ATRN: variants seen among roughly 807,000 people sequenced by gnomAD.
The protein encoded by ATRN is attractin-2.
ATRN carries 54 observed loss-of-function variants against 178.7 expected under a neutral mutation model. The observed-to-expected ratio is 0.30, with a 90% CI of 0.24 to 0.38. ATRN has a LOEUF of 0.38. Ranked by LOEUF, ATRN falls within the 10% of genes least tolerant of loss-of-function variation. The pLI is 1.00. For missense variants in ATRN, 1,443 were observed against 1,815.1 expected (o/e 0.79, Z 3.73); for synonymous variants, 636 against 663.0 (o/e 0.96, Z 0.63).
At chr20:3,575,989 T>A in intron 13 of ATRN, 41 bp downstream of exon 13, 1 of 1,604,200 alleles carries the variant, frequency 6.2e-7, no homozygotes, top group Non-Finnish European at 8.5e-7. Context: ...AAATCCCAAT[T>A]TGTCATAGGT....
At chr20:3,472,438 G>T (rs1199863222) in intron 1 of ATRN, among the ~76,000 whole-genome samples, 2 of 152,162 alleles carry the variant, frequency 1.3e-5, no homozygotes, top group Non-Finnish European at 2.9e-5. Context: ...TGTCTGATGT[G>T]GGGGAGTGGG....
rs201351211 is a variant in ATRN at position 3,589,364 on chromosome 20, A to AT, written c.3185-1796dup. Among the ~76,000 whole-genome samples, 1,327 of 146,850 alleles carry AT rather than the reference A, an allele frequency of 9.0e-3. 21 individuals are homozygous for AT. Among genetic ancestry groups the AT allele is most frequent in the African/African-American group, 0.031 (1,251 of 39,884 alleles). ...TAGTCTCCTGTTTAACCTGTTAACG[A>AT]TTTTTTTTTCTGTCTAATTTGGTTT... On this transcript the variant is annotated intron_variant, in intron 18 of 28. Coordinates refer to ENST00000262919, the MANE Select transcript of ATRN (RefSeq NM_139321.3).
chr20:3,570,570 A>G (rs1438073939), intron 11 of ATRN, among the ~76,000 whole-genome samples: 1 of 152,116 alleles, frequency 6.6e-6, no homozygotes, highest in Non-Finnish European at 1.5e-5. Flanking sequence ...GGATTTAAAA[A>G]TATTTCATGT....
chr20:3,576,023 A>G, intron 13 of ATRN, 75 bp downstream of exon 13: 6 of 1,449,782 alleles, frequency 4.1e-6, no homozygotes, highest in Non-Finnish European at 5.5e-6. Context: ...TGTATATGGT[A>G]TAAATAATGG....
intron 1 of ATRN, chr20:3,490,326 CTT>C (rs1275501740): frequency 4.9e-6 from 5 of 1,015,914 alleles, no homozygotes; most frequent in Non-Finnish European, 7.9e-6. Context: ...CTGCTTGTCT[CTT>C]TCGCCCATCC....
intron 1 of ATRN, among the ~76,000 whole-genome samples, chr20:3,492,897 A>G (rs1600025346): frequency 6.8e-6 from 1 of 146,976 alleles, no homozygotes; most frequent in Non-Finnish European, 1.5e-5. Flanking sequence ...ACACACACAC[A>G]TAACTAATAT....
At position 3,490,622 on chromosome 20, in the gene ATRN, C is replaced by T. The variant is rs1600019912; in HGVS notation, c.410+19105C>T. 3 of 980,156 alleles carry T rather than the reference C, an allele frequency of 3.1e-6. No individual in the cohort carries two copies. In the East Asian group the frequency reaches 7.1e-5, roughly 23 times the overall value. 60.7% of individuals were successfully genotyped at this position (980,156 alleles called of 1,614,324 possible). A position where few individuals can be genotyped will look rare whatever the true frequency, so the allele number is the denominator to read the frequency against. ...TCGAGGTAACGACCATATCCCTCTTCATCTGTGAACTCCACCAAGTTTTGT... is the reference window on the plus strand; with the variant it reads ...TCGAGGTAACGACCATATCCCTCTTTATCTGTGAACTCCACCAAGTTTTGT... On this transcript the variant is annotated intron_variant, in intron 1 of 28. Transcript: ENST00000262919.
At position 3,547,477 on chromosome 20, in the gene ATRN, T is replaced by G; in HGVS notation, c.931T>G (p.Ser311Ala). Residue 311 changes from serine to alanine, a missense_variant, in exon 5 of 29, where the codon TCA becomes GCA. Around this residue, in one of 4 missense-constraint regions of ATRN, gnomAD observed 862 missense variants for 972.1 expected, o/e 0.89. Transcript: ENST00000262919. ...SSDVRGCSCFSDWQGPGCSVP... is the reference protein window; with the variant it reads ...SSDVRGCSCFADWQGPGCSVP... ...TGATGTCAGAGGATGCTCCTGCTTCTCAGACTGGCAGGGTAGGAGCTTCTT... is the reference window on the plus strand; with the variant it reads ...TGATGTCAGAGGATGCTCCTGCTTCGCAGACTGGCAGGGTAGGAGCTTCTT... 1.9e-6 allele frequency: 3 copies of G among 1,613,592 alleles called. No homozygotes were observed. Among genetic ancestry groups the G allele is most frequent in the African/African-American group, 1.3e-5 (1 of 75,050 alleles).
intron 1 of ATRN, among the ~76,000 whole-genome samples, chr20:3,512,819 A>G (rs1367398602): frequency 1.3e-5 from 2 of 152,188 alleles, no homozygotes; most frequent in Non-Finnish European, 2.9e-5. Flanking sequence ...GTGAGATGAT[A>G]TCTCATGGTG....
At chr20:3,556,256 G>A (rs934375438) in intron 6 of ATRN, among the ~76,000 whole-genome samples, 2 of 152,184 alleles carry the variant, frequency 1.3e-5, no homozygotes, top group African/African-American at 4.8e-5. Flanking sequence ...AGCACAAGGT[G>A]TTTCAGAAAA....
At chr20:3,576,818 CTG>C in intron 13 of ATRN, 39 bp from the exon 14 acceptor site, 1 of 1,607,428 alleles carries the variant, frequency 6.2e-7, no homozygotes, top group Non-Finnish European at 8.5e-7. Context: ...TAAGTTCTCT[CTG>C]TGGATACAAA....
At position 3,534,157 on chromosome 20, in the gene ATRN, G is replaced by T. The variant is rs560947270; in HGVS notation, c.411-1096G>T. On this transcript the variant is annotated intron_variant, in intron 1 of 28. Transcript: ENST00000262919. Reference sequence around the variant, plus strand: ...TTTGCAGGATATGATTCTCGTGATGGATTATGGAGTCTTAACTAGGTATGT... The same window carrying T: ...TTTGCAGGATATGATTCTCGTGATGTATTATGGAGTCTTAACTAGGTATGT... 2.5e-3 allele frequency among the ~76,000 whole-genome samples: 383 copies of T among 152,334 alleles called. 2 individuals carry two copies. Among genetic ancestry groups the T allele is most frequent in the Middle Eastern group, 6.8e-3 (2 of 294 alleles).
rs187184889 is a variant in ATRN at position 3,622,526 on chromosome 20, T to C, written c.3802-1985T>C. ...AATTTTTAATTACCTCGTGTAATTT[T>C]TAACAGCACTCTCCTTCATCTTCAG... On this transcript the variant is annotated intron_variant, in intron 24 of 28. Coordinates refer to ENST00000262919, the MANE Select transcript of ATRN (RefSeq NM_139321.3). Among the ~76,000 whole-genome samples, 8 of 152,388 alleles carry C rather than the reference T, an allele frequency of 5.2e-5. No individual in the cohort carries two copies. In the East Asian group the frequency reaches 1.5e-3, roughly 29 times the overall value.
intron 1 of ATRN, among the ~76,000 whole-genome samples, chr20:3,471,736 G>A (rs138520598): frequency 6.6e-6 from 1 of 152,326 alleles, no homozygotes; most frequent in East Asian, 1.9e-4. Context: ...AAGGGTGGGG[G>A]CACCCCGACG....
chr20:3,539,077 A>G (rs920359845), intron 2 of ATRN, among the ~76,000 whole-genome samples: 2 of 152,174 alleles, frequency 1.3e-5, no homozygotes, highest in Non-Finnish European at 2.9e-5. Flanking sequence ...ACTCATCACC[A>G]TCTGAGTTTA....
At chr20:3,493,469 T>G (rs548449304) in intron 1 of ATRN, among the ~76,000 whole-genome samples, 1 of 152,120 alleles carries the variant, frequency 6.6e-6, no homozygotes, top group Admixed American at 6.6e-5. Context: ...CCTATTTTTA[T>G]TTTTTTGTAG....
intron 6 of ATRN, among the ~76,000 whole-genome samples, chr20:3,558,749 CAGT>C (rs1280709487): frequency 6.6e-6 from 1 of 151,854 alleles, no homozygotes; most frequent in Admixed American, 6.6e-5. Context: ...TTTATAAAAA[CAGT>C]AGAGTTTTTC....
chr20:3,641,650 A>G (rs1363746686), intron 27 of ATRN, among the ~76,000 whole-genome samples: 1 of 150,302 alleles, frequency 6.7e-6, no homozygotes, highest in Non-Finnish European at 1.5e-5. Flanking sequence ...TGACAAGCTG[A>G]CCGCTAACTT....
chr20:3,493,151 T>TAA (rs1164793030), intron 1 of ATRN, among the ~76,000 whole-genome samples: 24 of 140,972 alleles, frequency 1.7e-4, no homozygotes, highest in African/African-American at 6.2e-4. Flanking sequence ...TGTGTGTGTA[T>TAA]AATTAAAAAA....
Sources: allele counts gnomAD v4.1 joint callset (sites outside exome capture counted in the v4.1 genomes callset), GRCh38; gene constraint gnomAD v4.1.1; regional missense constraint gnomAD v4.1.1; transcripts MANE v1.5; gene names NCBI Gene and HGNC (gene_info 2026-07-23, HGNC 2026-07-21).